KCNQ3: variants seen among roughly 807,000 people sequenced by gnomAD.
The protein encoded by KCNQ3 is potassium voltage-gated channel subfamily Q member 3.
Under a neutral mutation model 92.5 loss-of-function variants are expected in KCNQ3, and 30 were observed. That is an observed-to-expected ratio of 0.32 (90% confidence interval 0.24 to 0.44). The LOEUF (loss-of-function observed/expected upper bound fraction) is 0.44, where lower values mean the gene tolerates loss of function less well. Among genes scored for constraint, KCNQ3 ranks in the 20% least tolerant of loss-of-function variants. KCNQ3 has a pLI of 1.00. For missense variants in KCNQ3, 913 were observed against 1,140.3 expected, an observed-to-expected ratio of 0.80 and a Z score of 2.87; for synonymous variants, 450 against 468.8, an observed-to-expected ratio of 0.96 and a Z score of 0.52.
At chr8:132,405,201 G>T (rs1366255724) in intron 1 of KCNQ3, among the ~76,000 whole-genome samples, 1 of 152,220 alleles carries the variant, frequency 6.6e-6, no homozygotes, top group Non-Finnish European at 1.5e-5. Context: ...AGGAGAGATT[G>T]GCTCCTCTTG....
At chr8:132,361,588 C>T (rs1819173598) in intron 1 of KCNQ3, among the ~76,000 whole-genome samples, 1 of 151,572 alleles carries the variant, frequency 6.6e-6, no homozygotes, top group African/African-American at 2.4e-5. Flanking sequence ...AAACAGAACA[C>T]TCAAAAAGAA....
chr8:132,474,067 A>C (rs545925450), intron 1 of KCNQ3, among the ~76,000 whole-genome samples: 1 of 152,342 alleles, frequency 6.6e-6, no homozygotes, highest in East Asian at 1.9e-4. Flanking sequence ...TCAGGGCAGC[A>C]GGATGCCTAT....
At chr8:132,227,184 T>C (rs1288728766) in intron 1 of KCNQ3, among the ~76,000 whole-genome samples, 1 of 150,996 alleles carries the variant, frequency 6.6e-6, no homozygotes. Context: ...TGGCTCAGCC[T>C]CCCAGTAGCT....
At chr8:132,475,003 T>C (rs1418343093) in intron 1 of KCNQ3, among the ~76,000 whole-genome samples, 2 of 152,186 alleles carry the variant, frequency 1.3e-5, no homozygotes, top group Non-Finnish European at 2.9e-5. Context: ...CTTGTCGTGA[T>C]AGAATTCTCA....
At chr8:132,314,117 C>A (rs2130618726) in intron 1 of KCNQ3, among the ~76,000 whole-genome samples, 1 of 152,190 alleles carries the variant, frequency 6.6e-6, no homozygotes, top group Middle Eastern at 3.4e-3. Context: ...CTCAACCAAG[C>A]CAAACCAAGC....
intron 4 of KCNQ3, among the ~76,000 whole-genome samples, chr8:132,176,756 T>C (rs989418825): frequency 2.0e-5 from 3 of 152,206 alleles, no homozygotes; most frequent in African/African-American, 4.8e-5. Context: ...TTCTAGATGT[T>C]TGCTCCCCCA....
intron 1 of KCNQ3, among the ~76,000 whole-genome samples, chr8:132,388,591 T>C (rs1350010648): frequency 6.6e-6 from 1 of 152,178 alleles, no homozygotes; most frequent in Non-Finnish European, 1.5e-5. Flanking sequence ...TAGCATGACT[T>C]AGATTTGTAT....
At chr8:132,154,193 G>T (rs2118434) in intron 9 of KCNQ3, among the ~76,000 whole-genome samples, 2,174 of 27,262 alleles carry the variant, frequency 0.08, 135 homozygotes, top group African/African-American at 0.17. Flanking sequence ...AAGGGTAAAA[G>T]TTTTTTTTTT....
chr8:132,187,790 CGGTGGTGGTGAT>C (rs1827026925), intron 1 of KCNQ3, among the ~76,000 whole-genome samples: 1 of 80,726 alleles, frequency 1.2e-5, no homozygotes, highest in Non-Finnish European at 2.7e-5. Context: ...ATGGTGGTGG[CGGTGGTGGTGAT>C]AGTGATGGTG....
intron 3 of KCNQ3, among the ~76,000 whole-genome samples, chr8:132,182,450 C>G (rs1006967489): frequency 6.6e-6 from 1 of 152,226 alleles, no homozygotes; most frequent in African/African-American, 2.4e-5. Context: ...GAAAACATGG[C>G]AACACTAAGT....
intron 1 of KCNQ3, among the ~76,000 whole-genome samples, chr8:132,250,161 C>T (rs376923335): frequency 3.9e-5 from 6 of 152,158 alleles, no homozygotes; most frequent in East Asian, 1.9e-4. Context: ...ACGCCGAGGC[C>T]GAGGAGGCAC....
chr8:132,129,117 A>G lies in KCNQ3; in HGVS notation c.*145T>C. The G allele has an allele frequency of 1.2e-6, 1 of 863,010 alleles. No homozygotes were observed. The highest frequency in any genetic ancestry group is 1.8e-6 in the Non-Finnish European group (1 of 550,632). 53.5% of individuals were successfully genotyped at this position (863,010 alleles called of 1,614,324 possible). A position where few individuals can be genotyped will look rare whatever the true frequency, so the allele number is the denominator to read the frequency against. ...ACATGGGGAGGAAGAGGCTGTGGGA[A>G]GCCCCTGCCTGGGTGGGGCCACCAC... On this transcript the variant is annotated 3_prime_UTR_variant, in exon 15 of 15. Transcript: ENST00000388996. The surrounding 1 kb of genome is among the most constrained non-coding windows in gnomAD (Gnocchi z 5.9).
At chr8:132,319,609 C>T (rs1817842939) in intron 1 of KCNQ3, among the ~76,000 whole-genome samples, 1 of 152,138 alleles carries the variant, frequency 6.6e-6, no homozygotes, top group African/African-American at 2.4e-5. Context: ...CCGATGGCCC[C>T]GGGAATAAAA....
intron 1 of KCNQ3, among the ~76,000 whole-genome samples, chr8:132,394,514 T>C (rs1446641052): frequency 6.6e-6 from 1 of 152,198 alleles, no homozygotes; most frequent in Non-Finnish European, 1.5e-5. Flanking sequence ...CTTGATCCAG[T>C]GTAGGGACTT....
At chr8:132,469,644 C>T (rs1822253864) in intron 1 of KCNQ3, among the ~76,000 whole-genome samples, 2 of 151,876 alleles carry the variant, frequency 1.3e-5, no homozygotes, top group South Asian at 4.2e-4. Context: ...AAAGATGAAA[C>T]AAATCTTGTT....
intron 1 of KCNQ3, among the ~76,000 whole-genome samples, chr8:132,229,847 G>A (rs1326520406): frequency 6.6e-6 from 1 of 152,156 alleles, no homozygotes; most frequent in East Asian, 1.9e-4. Context: ...TAGGCTGAAT[G>A]CATTAGGATT....
intron 1 of KCNQ3, among the ~76,000 whole-genome samples, chr8:132,241,672 A>C (rs1480771479): frequency 6.6e-6 from 1 of 152,166 alleles, no homozygotes; most frequent in Non-Finnish European, 1.5e-5. Context: ...CGTCTCCACT[A>C]AACACACAAA....
At chr8:132,320,101 T>C (rs780601962) in intron 1 of KCNQ3, among the ~76,000 whole-genome samples, 2 of 152,222 alleles carry the variant, frequency 1.3e-5, no homozygotes, top group East Asian at 3.8e-4. Flanking sequence ...ATCTGTCAAT[T>C]TGGAAAGTAG....
At chr8:132,168,400 T>C (rs1826202646) in intron 8 of KCNQ3, among the ~76,000 whole-genome samples, 1 of 152,172 alleles carries the variant, frequency 6.6e-6, no homozygotes, top group Admixed American at 6.5e-5. Context: ...CCCGTGACCC[T>C]CCATGGTTGT....
Sources: gnomAD v4.1 joint callset for allele counts (sites outside exome capture counted in the v4.1 genomes callset) on GRCh38, gnomAD v4.1.1 for gene constraint, Gnocchi (gnomAD v3.1) non-coding constraint, MANE v1.5 for transcripts, NCBI Gene and HGNC (gene_info 2026-07-23, HGNC 2026-07-21) for gene names.